TRIM66: variants seen among roughly 807,000 people sequenced by gnomAD.
TRIM66 encodes tripartite motif-containing protein 66.
Under a neutral mutation model 148.2 loss-of-function variants are expected in TRIM66, and 99 were observed. That is an observed-to-expected ratio of 0.67 (90% CI 0.57 to 0.79). The LOEUF is 0.79. Among genes scored for constraint, TRIM66 ranks in the 30% least tolerant of loss-of-function variants. The pLI, the probability that TRIM66 is intolerant of heterozygous loss-of-function variation, is 0.00. For missense variants in TRIM66, 1,666 were observed against 1,697.9 expected, an observed-to-expected ratio of 0.98 and a Z score of 0.33; for synonymous variants, 616 against 635.9, an observed-to-expected ratio of 0.97 and a Z score of 0.47.
intron 3 of TRIM66, among the ~76,000 whole-genome samples, chr11:8,678,892 G>C (rs999740616): frequency 9.2e-5 from 14 of 152,184 alleles, no homozygotes; most frequent in Admixed American, 8.5e-4. Context: ...CCTGGAGAGA[G>C]GCCTGGGGCA....
rs202023010 is a variant in TRIM66, at chr11:8,620,114, T to C, written c.3683A>G (p.Lys1228Arg). The C allele has an allele frequency of 9.0e-5, 140 of 1,551,676 alleles. No homozygotes were observed. The Admixed American group carries it at 9.4e-4, about 10-fold the overall frequency. ...ATTGCAGCACAAGGACAATACCAGC[T>C]TCTCACACTTCTGCAAAATCAGAAT... ...LSMYDQKKCE[K>R]LVLSLCCNNL... is the part of the protein sequence containing the mutation. The change falls in exon 22 of 25, where the codon AAG becomes AGG. Residue 1228 changes from lysine (K) to arginine (R), a missense_variant. By Grantham distance (26) the Lys-to-Arg change is conservative (BLOSUM62 2). Coordinates refer to ENST00000646038, the MANE Select transcript of TRIM66 (RefSeq NM_001388022.1).
chr11:8,646,008 G>A (rs2036815619), intron 11 of TRIM66, 121 bp from the exon 12 acceptor site: 1 of 941,968 alleles, frequency 1.1e-6, no homozygotes, highest in Non-Finnish European at 1.6e-6. Context: ...ACCCCTGAGA[G>A]GACAGCAGGG....
intron 6 of TRIM66, among the ~76,000 whole-genome samples, chr11:8,660,745 T>C (rs1271573828): frequency 4.6e-5 from 7 of 152,230 alleles, no homozygotes; most frequent in Non-Finnish European, 4.4e-5. Context: ...CCCACGTCCA[T>C]CTTTGTGAAC....
chr11:8,621,253 A>G lies in TRIM66; in HGVS notation c.3324T>C (p.Thr1108=), dbSNP rs1258301584. ...PGLEGRKVTV[T]SLAGQRPPEV... ...CTGGTGGCCGCTGCCCAGCCAAAGA[A>G]GTGACAGTGACCTTTCTTCCCTCCA... The change falls in exon 20 of 25, where the codon ACT becomes ACC. Residue 1108 remains threonine (T), a synonymous_variant. Coordinates refer to ENST00000646038, the MANE Select transcript of TRIM66 (RefSeq NM_001388022.1). The G allele has an allele frequency of 6.4e-7, 1 of 1,551,720 alleles. No homozygotes were observed. Among genetic ancestry groups the G allele is most frequent in the Non-Finnish European group, 8.7e-7 (1 of 1,147,004 alleles).
chr11:8,664,271 A>T lies in TRIM66; in HGVS notation c.340+7515T>A, dbSNP rs562199025. Among the ~76,000 whole-genome samples the T allele has an allele frequency of 1.7e-3, 255 of 152,270 alleles. 1 individual carries two copies. The highest frequency in any genetic ancestry group is 5.4e-3 in the African/African-American group (224 of 41,552). On this transcript the variant is annotated intron_variant, in intron 6 of 24. Coordinates refer to ENST00000646038, the MANE Select transcript of TRIM66 (RefSeq NM_001388022.1). ...ATACAGTTTTACATGTCAGTTAAAA[A>T]TTTTTTTAATTAAAAAATATTTATA...
intron 6 of TRIM66, chr11:8,654,612 A>C (rs1013775449): frequency 3.9e-5 from 6 of 152,356 alleles, no homozygotes; most frequent in African/African-American, 1.4e-4. Flanking sequence ...TTGGTATTAA[A>C]GGATATTACC....
In TRIM66 at chr11:8,672,391, T is replaced by C. The variant is rs1338177996; in HGVS notation, c.-111-6A>G. On this transcript the variant is annotated splice_region_variant and splice_polypyrimidine_tract_variant and intron_variant, in intron 4 of 24. Transcript: ENST00000646038. ...TATTGGTAGACAAGCTTGACCTAAG[T>C]TTCAATTTTGGAAAAAGGAAGAAAA... 6.7e-7 allele frequency: 1 copy of C among 1,495,366 alleles called. No homozygotes were observed. Among genetic ancestry groups the C allele is most frequent in the Non-Finnish European group, 8.9e-7 (1 of 1,129,518 alleles). The allele number at this position is 1,495,366 out of a possible 1,614,324, so 92.6% of individuals were successfully genotyped here.
chr11:8,624,183 G>A (rs962729188), intron 17 of TRIM66, among the ~76,000 whole-genome samples, 176 bp downstream of exon 17: 2 of 152,170 alleles, frequency 1.3e-5, no homozygotes, highest in African/African-American at 4.8e-5. Flanking sequence ...CCACAGTGAG[G>A]GAAGCAGAAC....
chr11:8,673,009 T>C (rs1204156543), intron 4 of TRIM66, among the ~76,000 whole-genome samples: 48 of 145,478 alleles, frequency 3.3e-4, no homozygotes, highest in Admixed American at 6.2e-4. Context: ...GCGCGATCTC[T>C]GCTCACTGCA....
chr11:8,626,688 G>A (rs1565487438), intron 15 of TRIM66, among the ~76,000 whole-genome samples: 1 of 152,132 alleles, frequency 6.6e-6, no homozygotes, highest in Non-Finnish European at 1.5e-5. Flanking sequence ...TCAAAACACG[G>A]ATCCGATCAC....
At chr11:8,657,075 G>A (rs1403858150) in intron 6 of TRIM66, among the ~76,000 whole-genome samples, 1 of 152,170 alleles carries the variant, frequency 6.6e-6, no homozygotes, top group Non-Finnish European at 1.5e-5. Flanking sequence ...GCAAGGAAGT[G>A]GGGCCCACAC....
At chr11:8,625,293 G>A in intron 15 of TRIM66, 65 bp from the exon 16 acceptor site, 1 of 1,433,110 alleles carries the variant, frequency 7.0e-7, no homozygotes. Context: ...GGGAGAGGAG[G>A]GACCCAACCC....
At chr11:8,632,194 G>C (rs1012215924) in intron 15 of TRIM66, among the ~76,000 whole-genome samples, 1 of 152,126 alleles carries the variant, frequency 6.6e-6, no homozygotes, top group Admixed American at 6.5e-5. Flanking sequence ...TGCAGTCTCA[G>C]CTACTCAGGA....
chr11:8,668,877 C>T (rs935133603), intron 6 of TRIM66, among the ~76,000 whole-genome samples: 8 of 152,100 alleles, frequency 5.3e-5, no homozygotes, highest in South Asian at 4.2e-4. Flanking sequence ...TGAGCCACCG[C>T]GCCCAGTCCC....
At chr11:8,666,737 G>A (rs1328657616) in intron 6 of TRIM66, among the ~76,000 whole-genome samples, 2 of 152,162 alleles carry the variant, frequency 1.3e-5, no homozygotes, top group East Asian at 3.9e-4. Flanking sequence ...CAAATATACT[G>A]ACACCAAAGC....
At chr11:8,682,495 AG>A (rs1435079880) in intron 1 of TRIM66, 105 bp downstream of exon 1, 1 of 459,008 alleles carries the variant, frequency 2.2e-6, no homozygotes, top group African/African-American at 2.1e-5. Context: ...CCAAGGCGCC[AG>A]AAAAGGGCCT....
At chr11:8,650,103 T>C (rs1317836027) in intron 7 of TRIM66, among the ~76,000 whole-genome samples, 3 of 152,248 alleles carry the variant, frequency 2.0e-5, no homozygotes, top group Non-Finnish European at 2.9e-5. Flanking sequence ...TCAGGTATGG[T>C]GGCTCACACC....
Position 8,671,788 on chromosome 11 carries a change from T to C in TRIM66, c.338A>G (p.Asp113Gly). The change falls in exon 6 of 25, where the codon GAT becomes GGT. Residue 113 changes from aspartate to glycine, a missense_variant and splice_region_variant. Coordinates refer to ENST00000646038, the MANE Select transcript of TRIM66 (RefSeq NM_001388022.1). ...QIAKAHETVADELISCPGCER... is the reference protein window; with the variant it reads ...QIAKAHETVAGELISCPGCER... ...ACTTGTGGTGCCTTTGTACTTACCA[T>C]CTGCAACAGTCTCATGAGCCTTGGC... The C allele has an allele frequency of 7.6e-7, 1 of 1,313,370 alleles. No homozygotes were observed. The allele number at this position is 1,313,370 out of a possible 1,614,324, so 81.4% of individuals were successfully genotyped here.
rs1359099604 is a variant in TRIM66 at position 8,621,298 on chromosome 11, C to T, written c.3279G>A (p.Glu1093=). The change falls in exon 20 of 25, where the codon GAG becomes GAA. Residue 1093 remains glutamate, a synonymous_variant. Transcript: ENST00000646038. The part of the protein sequence containing the change: ...SIKVSQDRLS[E]ATQAPGLEGR... ...CCTCCAGACCTGGGGCCTGGGTGGCCTCAGACAGTCTGTCCTGGCTGACCT... is the reference window on the plus strand; with the variant it reads ...CCTCCAGACCTGGGGCCTGGGTGGCTTCAGACAGTCTGTCCTGGCTGACCT... 1.3e-6 allele frequency: 2 copies of T among 1,551,486 alleles called. No homozygotes were observed. Among genetic ancestry groups the T allele is most frequent in the South Asian group, 2.4e-5 (2 of 83,992 alleles).
Sources: allele counts gnomAD v4.1 joint callset (sites outside exome capture counted in the v4.1 genomes callset), GRCh38; gene constraint gnomAD v4.1.1; transcripts MANE v1.5; gene names NCBI Gene and HGNC (gene_info 2026-07-23, HGNC 2026-07-21).